Variants in TENT5D observed in about 807,000 individuals in gnomAD.
The protein encoded by TENT5D is terminal nucleotidyltransferase 5D.
For missense variants in TENT5D, 191 were observed against 287.0 expected (o/e 0.67, Z 2.42); for synonymous variants, 103 against 100.6 (o/e 1.02, Z -0.15).
intron 3 of TENT5D, among the ~76,000 whole-genome samples, chrX:80,381,809 C>G (rs1212412798): frequency 3.6e-5 from 4 of 111,910 alleles, no homozygotes; most frequent in African/African-American, 1.3e-4. Flanking sequence ...TCAGCTCCAT[C>G]AGGTCATTTA....
intron 3 of TENT5D, among the ~76,000 whole-genome samples, chrX:80,398,407 T>G (rs1931328231): frequency 8.9e-6 from 1 of 112,314 alleles, no homozygotes; most frequent in African/African-American, 3.2e-5. Flanking sequence ...GTTTTTGGTT[T>G]GATATAATCC....
intron 3 of TENT5D, among the ~76,000 whole-genome samples, chrX:80,407,693 G>A (rs1162361139): frequency 4.6e-4 from 50 of 108,555 alleles, no homozygotes; most frequent in Middle Eastern, 4.6e-3. Context: ...ACAGATCAAC[G>A]AGACAGAAAG....
At chrX:80,397,482 AC>A (rs1294277456) in intron 3 of TENT5D, among the ~76,000 whole-genome samples, 10 of 108,260 alleles carry the variant, frequency 9.2e-5, no homozygotes, top group Non-Finnish European at 1.9e-4. Context: ...CACGTCCCAG[AC>A]GATGGGCGGC....
chrX:80,424,710 G>A (rs924408586), intron 1 of TENT5D, among the ~76,000 whole-genome samples: 2 of 112,544 alleles, frequency 1.8e-5, no homozygotes, highest in African/African-American at 6.5e-5. Flanking sequence ...TGATAAGATT[G>A]TGTTGTTTGC....
At chrX:80,383,360 T>G (rs1930916368) in intron 3 of TENT5D, among the ~76,000 whole-genome samples, 1 of 111,599 alleles carries the variant, frequency 9.0e-6, no homozygotes, top group Non-Finnish European at 1.9e-5. Context: ...CTCTAACAGC[T>G]CACAAATTAC....
intron 1 of TENT5D, among the ~76,000 whole-genome samples, chrX:80,423,773 GAGACTATTTCCTGGA>G (rs1182065102): frequency 1.8e-5 from 2 of 110,820 alleles, no homozygotes; most frequent in African/African-American, 6.6e-5. Context: ...ATAAGGAGAA[GAGACTATTTCCTGGA>G]AGCCTGCTGG....
intron 3 of TENT5D, among the ~76,000 whole-genome samples, chrX:80,371,028 A>C (rs1930615401): frequency 8.9e-6 from 1 of 112,239 alleles, no homozygotes; most frequent in South Asian, 3.7e-4. Context: ...GATAAGGAGA[A>C]TAATTTCTTG....
intron 1 of TENT5D, among the ~76,000 whole-genome samples, chrX:80,424,495 C>T (rs763511032): frequency 1.8e-5 from 2 of 112,005 alleles, no homozygotes; most frequent in Non-Finnish European, 1.9e-5. Context: ...GTATTGTTTT[C>T]GATTTCTACA....
At chrX:80,400,407 G>A (rs138123985) in intron 3 of TENT5D, among the ~76,000 whole-genome samples, 1,476 of 111,372 alleles carry the variant, frequency 0.013, 28 homozygotes, top group African/African-American at 0.045. Context: ...ACTTTACTGA[G>A]TTTCCAGGGA....
chrX:80,358,024 A>C (rs1308450013), intron 3 of TENT5D, among the ~76,000 whole-genome samples: 1 of 111,572 alleles, frequency 9.0e-6, no homozygotes, highest in Admixed American at 9.6e-5. Flanking sequence ...ATCTTCAACT[A>C]TCTGATCTTT....
At chrX:80,376,016 A>G (rs887631668) in intron 3 of TENT5D, among the ~76,000 whole-genome samples, 1 of 111,336 alleles carries the variant, frequency 9.0e-6, no homozygotes, top group Non-Finnish European at 1.9e-5. Context: ...TAAATTGGAT[A>G]ACAACAGTTT....
intron 1 of TENT5D, among the ~76,000 whole-genome samples, chrX:80,437,330 T>C (rs990576345): frequency 2.7e-5 from 3 of 112,068 alleles, no homozygotes; most frequent in African/African-American, 6.5e-5. Context: ...AGTATTTTAT[T>C]TACTGTTGTT....
At chrX:80,396,905 G>A (rs1222945674) in intron 3 of TENT5D, among the ~76,000 whole-genome samples, 4 of 86,469 alleles carry the variant, frequency 4.6e-5, no homozygotes, top group Admixed American at 3.8e-4. Flanking sequence ...GCGGGGGGCT[G>A]ACCCCCCCAC....
At chrX:80,431,554 A>G (rs1246060702) in intron 1 of TENT5D, among the ~76,000 whole-genome samples, 3 of 112,310 alleles carry the variant, frequency 2.7e-5, no homozygotes, top group African/African-American at 6.5e-5. Context: ...CTGAGACTGG[A>G]CAATTTACAA....
At chrX:80,426,085 A>G (rs1305267340) in intron 1 of TENT5D, among the ~76,000 whole-genome samples, 1 of 110,701 alleles carries the variant, frequency 9.0e-6, no homozygotes, top group Non-Finnish European at 1.9e-5. Context: ...AAGATTAAAC[A>G]TTACTTTGGC....
chrX:80,393,221 AT>A (rs1931170736), intron 3 of TENT5D, among the ~76,000 whole-genome samples: 1 of 110,960 alleles, frequency 9.0e-6, no homozygotes, highest in African/African-American at 3.3e-5. Flanking sequence ...GTTTTTGAAA[AT>A]TATTGTCCAT....
At chrX:80,338,466 A>T (rs866841976) in intron 2 of TENT5D, among the ~76,000 whole-genome samples, 1 of 112,456 alleles carries the variant, frequency 8.9e-6, no homozygotes, top group Non-Finnish European at 1.9e-5. Context: ...AGCAAAACTA[A>T]TGTGGAAAAT....
chrX:80,415,225 T>C (rs1399222011), intron 3 of TENT5D, among the ~76,000 whole-genome samples: 1 of 111,983 alleles, frequency 8.9e-6, no homozygotes, highest in Admixed American at 9.5e-5. Flanking sequence ...TATAGAATAA[T>C]ATAATCAACA....
At chrX:80,420,036 T>C (rs1931855050), upstream of TENT5D, among the ~76,000 whole-genome samples, 1 of 111,955 alleles carries the variant, frequency 8.9e-6, no homozygotes, top group African/African-American at 3.2e-5. Context: ...GTTTAAGAAT[T>C]TTTTTTAAAA....
Sources: gnomAD v4.1 joint callset for allele counts (sites outside exome capture counted in the v4.1 genomes callset) on GRCh38, gnomAD v4.1.1 for gene constraint, MANE v1.5 for transcripts, NCBI Gene and HGNC (gene_info 2026-07-23, HGNC 2026-07-21) for gene names.